The following RUNX2 variants were observed in gnomAD, a reference collection of about 807,000 sequenced individuals.
RUNX2 encodes the protein runt-related transcription factor 2.
A neutral mutation model predicts 51.7 loss-of-function variants in RUNX2; 10 were observed. That is an observed-to-expected ratio of 0.19 (90% confidence interval 0.12 to 0.33). The LOEUF (loss-of-function observed/expected upper bound fraction) is 0.33. RUNX2 is among the 10% of genes least tolerant of loss of function. The pLI is 1.00. For synonymous variants in RUNX2, 276 were observed against 273.6 expected (o/e 1.01, Z -0.09); for missense variants, 562 against 691.3 (o/e 0.81, Z 2.10).
chr6:45,454,130 T>C (rs1336758338), intron 5 of RUNX2, among the ~76,000 whole-genome samples: 6 of 152,116 alleles, frequency 3.9e-5, no homozygotes, highest in Non-Finnish European at 8.8e-5. Flanking sequence ...TGTAGTTAAT[T>C]TGTCACCTCG....
At chr6:45,426,337 G>A (rs569124903) in intron 3 of RUNX2, among the ~76,000 whole-genome samples, 32 of 152,256 alleles carry the variant, frequency 2.1e-4, no homozygotes, top group African/African-American at 7.5e-4. Context: ...TACTATTAGA[G>A]GATCCCAGAC....
intron 5 of RUNX2, among the ~76,000 whole-genome samples, chr6:45,490,749 T>C (rs1273958831): frequency 2.6e-5 from 4 of 152,104 alleles, no homozygotes; most frequent in South Asian, 4.2e-4. Context: ...ATTCCCTTAG[T>C]TTCTCTTCAA....
At chr6:45,494,499 A>C (rs1800581357) in intron 6 of RUNX2, among the ~76,000 whole-genome samples, 1 of 152,126 alleles carries the variant, frequency 6.6e-6, no homozygotes, top group Admixed American at 6.6e-5. Flanking sequence ...TGATTTATAG[A>C]CTAGTGTTCT....
intron 6 of RUNX2, among the ~76,000 whole-genome samples, chr6:45,501,225 G>C (rs145509129): frequency 2.6e-5 from 4 of 152,188 alleles, no homozygotes; most frequent in Non-Finnish European, 5.9e-5. Context: ...CTAATATTCT[G>C]TTAATATATC....
At chr6:45,535,588 A>T (rs1802006141) in intron 7 of RUNX2, among the ~76,000 whole-genome samples, 1 of 148,662 alleles carries the variant, frequency 6.7e-6, no homozygotes, top group African/African-American at 2.5e-5. Context: ...TGGGCAACAG[A>T]GTGAGACTCT....
chr6:45,452,675 C>T (rs1477677653), intron 5 of RUNX2, among the ~76,000 whole-genome samples: 6 of 152,146 alleles, frequency 3.9e-5, no homozygotes, highest in Admixed American at 2.6e-4. Context: ...CAGACACACA[C>T]ATGCACACGA....
chr6:45,522,733 G>T (rs532947434), intron 7 of RUNX2, among the ~76,000 whole-genome samples: 1 of 152,162 alleles, frequency 6.6e-6, no homozygotes, highest in South Asian at 2.1e-4. Context: ...CTCCTACTCC[G>T]ATGCTCAGCA....
intron 5 of RUNX2, among the ~76,000 whole-genome samples, chr6:45,476,479 G>A (rs1487462062): frequency 2.0e-5 from 3 of 152,072 alleles, no homozygotes; most frequent in Non-Finnish European, 2.9e-5. Context: ...ATATTTGGAC[G>A]AGAACAAATT....
chr6:45,412,674 C>T (rs1797976131), intron 2 of RUNX2, among the ~76,000 whole-genome samples: 1 of 146,602 alleles, frequency 6.8e-6, no homozygotes, highest in South Asian at 2.1e-4. Context: ...TTTTTTCCTA[C>T]TTTTTTTTTT....
At chr6:45,367,724 G>A (rs1795386416) in intron 2 of RUNX2, among the ~76,000 whole-genome samples, 1 of 152,110 alleles carries the variant, frequency 6.6e-6, no homozygotes, top group African/African-American at 2.4e-5. Flanking sequence ...CATTCCATGG[G>A]ATTATCCTAT....
At position 45,398,399 on chromosome 6, in the gene RUNX2, A is replaced by G. The variant is rs143210069; in HGVS notation, c.59-24194A>G. Among the ~76,000 whole-genome samples, 336 of 152,318 alleles carry G rather than the reference A, an allele frequency of 2.2e-3. 1 individual carries two copies. Among genetic ancestry groups the G allele is most frequent in the African/African-American group, 7.8e-3 (326 of 41,574 alleles). On this transcript the variant is annotated intron_variant, in intron 2 of 8. Coordinates refer to ENST00000647337, the MANE Select transcript of RUNX2 (RefSeq NM_001024630.4). ...AGTCTGATTAACAAAGAGGCAGTTTAGCTGCATTTTCTCCCCTCAATTTTT... is the reference window on the plus strand; with the variant it reads ...AGTCTGATTAACAAAGAGGCAGTTTGGCTGCATTTTCTCCCCTCAATTTTT...
chr6:45,493,792 A>G (rs949448311), intron 6 of RUNX2, among the ~76,000 whole-genome samples: 2 of 152,022 alleles, frequency 1.3e-5, no homozygotes, highest in African/African-American at 4.8e-5. Flanking sequence ...ACACACATAT[A>G]TATGTGTTTA....
At chr6:45,421,434 A>G (rs2150361214) in intron 2 of RUNX2, 1 of 152,298 alleles carries the variant, frequency 6.6e-6, no homozygotes, top group East Asian at 1.9e-4. Context: ...CACTTAAAAC[A>G]AAAAACACCC....
At chr6:45,406,807 A>G (rs780540048) in intron 2 of RUNX2, among the ~76,000 whole-genome samples, 1 of 152,220 alleles carries the variant, frequency 6.6e-6, no homozygotes, top group Non-Finnish European at 1.5e-5. Context: ...ACTAAAAATA[A>G]TGACATGAAT....
At chr6:45,527,257 G>C (rs949863269) in intron 7 of RUNX2, among the ~76,000 whole-genome samples, 2 of 152,178 alleles carry the variant, frequency 1.3e-5, no homozygotes, top group African/African-American at 2.4e-5. Flanking sequence ...AAGTTATGCA[G>C]GGCCACTACA....
intron 2 of RUNX2, among the ~76,000 whole-genome samples, chr6:45,411,653 G>A (rs533804652): frequency 6.6e-6 from 1 of 151,906 alleles, no homozygotes; most frequent in African/African-American, 2.4e-5. Context: ...ATTTATTTTT[G>A]TATGAACCAA....
chr6:45,348,578 G>A lies in RUNX2; in HGVS notation c.58+19794G>A, dbSNP rs536087704. Among the ~76,000 whole-genome samples, 5 of 150,970 alleles carry A rather than the reference G, an allele frequency of 3.3e-5. No homozygotes were observed. In the East Asian group the frequency reaches 9.7e-4, roughly 29 times the overall value. On this transcript the variant is annotated intron_variant, in intron 2 of 8. Transcript: ENST00000647337. ...TAGTCCCAGCTACTCAGGAGACTGA[G>A]GCAGGAGAATCACTTGAATCCGGGA...
At chr6:45,386,869 A>G (rs1797358671) in intron 2 of RUNX2, among the ~76,000 whole-genome samples, 1 of 152,184 alleles carries the variant, frequency 6.6e-6, no homozygotes, top group Non-Finnish European at 1.5e-5. Context: ...TTGGGCATTA[A>G]GTTTGGGCTT....
chr6:45,428,188 A>T (rs1798437066), intron 3 of RUNX2, among the ~76,000 whole-genome samples: 2 of 152,266 alleles, frequency 1.3e-5, no homozygotes, highest in African/African-American at 4.8e-5. Context: ...ACTGCACTTT[A>T]CCCCTTCAAA....
Sources: gnomAD v4.1 joint callset for allele counts (sites outside exome capture counted in the v4.1 genomes callset) on GRCh38, gnomAD v4.1.1 for gene constraint, MANE v1.5 for transcripts, NCBI Gene and HGNC (gene_info 2026-07-23, HGNC 2026-07-21) for gene names.